The following PDZD2 variants were observed in gnomAD, a reference collection of about 807,000 sequenced individuals.
PDZD2 encodes the protein PDZ domain-containing protein 2.
A neutral mutation model predicts 220.7 loss-of-function variants in PDZD2; 90 were observed. The observed-to-expected ratio is 0.41, with a 90% CI of 0.34 to 0.49. The LOEUF is 0.49. Ranked by LOEUF, PDZD2 falls within the 20% of genes least tolerant of loss-of-function variation. The pLI, the probability that PDZD2 is intolerant of heterozygous loss-of-function variation, is 0.28. For synonymous variants in PDZD2, 1,375 were observed against 1,450.5 expected (o/e 0.95, Z 1.18); for missense variants, 3,174 against 3,608.5 (o/e 0.88, Z 3.08).
Position 31,799,167 on chromosome 5 carries a change from A to G in PDZD2, c.-82A>G. On this transcript the variant is annotated 5_prime_UTR_variant, in exon 2 of 25. Transcript: ENST00000438447. Reference sequence around the variant, plus strand: ...CAGGCAAAGCTGATGATGGCCAGGGACCCCAGGGGACGTGGGGCCCTGTGG... The same window carrying G: ...CAGGCAAAGCTGATGATGGCCAGGGGCCCCAGGGGACGTGGGGCCCTGTGG... The G allele has an allele frequency of 1.2e-6, 1 of 856,250 alleles. No individual in the cohort carries two copies. Among genetic ancestry groups the G allele is most frequent in the East Asian group, 2.6e-5 (1 of 38,436 alleles). The allele number at this position is 856,250 out of a possible 1,614,324, so 53.0% of individuals were successfully genotyped here.
Position 32,074,607 on chromosome 5 carries a change from T to G in PDZD2, c.3501T>G (p.Thr1167=). The stretch of plus-strand genomic sequence containing the variant: ...TCCAGGCCACTTCTGTCAAAGTGAC[T>G]GTCGCTGGCTTTCAGCCAGGTGGAG... ...SRVQATSVKV[T]VAGFQPGGAV... is the part of the protein sequence containing the mutation. The change falls in exon 18 of 25, where the codon ACT becomes ACG. Residue 1167 remains threonine (T), a synonymous_variant. Coordinates refer to ENST00000438447, the MANE Select transcript of PDZD2 (RefSeq NM_178140.4). 1 of 1,611,358 alleles carries G rather than the reference T, an allele frequency of 6.2e-7. No individual in the cohort carries two copies. The highest frequency in any genetic ancestry group is 8.5e-7 in the Non-Finnish European group (1 of 1,178,856).
intron 1 of PDZD2, among the ~76,000 whole-genome samples, chr5:31,666,618 G>A (rs184831474): frequency 5.9e-5 from 9 of 152,208 alleles, no homozygotes; most frequent in African/African-American, 1.9e-4. Context: ...TTTAGGAAGG[G>A]GACTGAGCTA....
At chr5:31,662,466 A>G (rs1745805290) in intron 1 of PDZD2, among the ~76,000 whole-genome samples, 1 of 152,206 alleles carries the variant, frequency 6.6e-6, no homozygotes, top group African/African-American at 2.4e-5. Flanking sequence ...AGTGGCTTAT[A>G]AATAAAATAC....
chr5:31,815,639 G>A (rs935683701), intron 2 of PDZD2, among the ~76,000 whole-genome samples: 1 of 152,090 alleles, frequency 6.6e-6, no homozygotes, highest in African/African-American at 2.4e-5. Context: ...CATGTCCTGC[G>A]CCTTTTTGCC....
chr5:31,727,624 C>T (rs1350403606), intron 1 of PDZD2, among the ~76,000 whole-genome samples: 1 of 148,424 alleles, frequency 6.7e-6, no homozygotes, highest in Non-Finnish European at 1.5e-5. Flanking sequence ...CGTTTGAGCC[C>T]GGGAGGCAGA....
In PDZD2 at chr5:31,725,698, G is replaced by C. The variant is rs183077210; in HGVS notation, c.-360-73191G>C. 3.2e-6 allele frequency: 3 copies of C among 923,282 alleles called. No individual in the cohort carries two copies. In the African/African-American group the frequency reaches 4.9e-5, roughly 15 times the overall value. 57.2% of individuals were successfully genotyped at this position (923,282 alleles called of 1,614,324 possible). On this transcript the variant is annotated intron_variant, in intron 1 of 24. Coordinates refer to ENST00000438447, the MANE Select transcript of PDZD2 (RefSeq NM_178140.4). ...TGCTTTGGAATCTGTTTTTAGAGAT[G>C]CCTCTAGTTTTGGTATGAGATGCAG...
chr5:31,758,422 C>T (rs1751427757), intron 1 of PDZD2, among the ~76,000 whole-genome samples: 1 of 152,122 alleles, frequency 6.6e-6, no homozygotes, highest in African/African-American at 2.4e-5. Flanking sequence ...GCATGTGGGG[C>T]CTGGAAATGG....
chr5:31,984,562 C>T (rs1750562676), intron 3 of PDZD2, among the ~76,000 whole-genome samples: 1 of 150,526 alleles, frequency 6.6e-6, no homozygotes, highest in African/African-American at 2.5e-5. Context: ...CAAGTTGAGG[C>T]CAGGCGCGGC....
intron 2 of PDZD2, among the ~76,000 whole-genome samples, chr5:31,896,323 CGTGT>C (rs35229609): frequency 0.05 from 6,829 of 136,360 alleles, 156 homozygotes; most frequent in African/African-American, 0.082. Flanking sequence ...TTGATACTCT[CGTGT>C]GTGTGTGTGT....
At chr5:31,721,017 G>T (rs1561406239) in intron 1 of PDZD2, among the ~76,000 whole-genome samples, 1 of 152,164 alleles carries the variant, frequency 6.6e-6, no homozygotes, top group Non-Finnish European at 1.5e-5. Flanking sequence ...AGACAACAAG[G>T]CAGGAGGAGG....
chr5:31,656,048 CAT>C (rs1307719361), intron 1 of PDZD2, among the ~76,000 whole-genome samples: 6 of 152,202 alleles, frequency 3.9e-5, no homozygotes, highest in African/African-American at 1.4e-4. Flanking sequence ...GATGCACAGG[CAT>C]AGACCCCATG....
intron 14 of PDZD2, among the ~76,000 whole-genome samples, chr5:32,067,246 T>A (rs1740298353): frequency 6.6e-6 from 1 of 152,206 alleles, no homozygotes; most frequent in Non-Finnish European, 1.5e-5. Context: ...CAGGCTGAGA[T>A]TTGGACTTGC....
At chr5:32,036,069 G>A (rs1449536382) in intron 6 of PDZD2, among the ~76,000 whole-genome samples, 5 of 152,020 alleles carry the variant, frequency 3.3e-5, no homozygotes, top group Admixed American at 1.3e-4. Context: ...TCAGCCTCTC[G>A]AGTAGCTGGG....
intron 2 of PDZD2, among the ~76,000 whole-genome samples, chr5:31,919,955 G>A (rs1744064287): frequency 6.6e-6 from 1 of 151,942 alleles, no homozygotes; most frequent in African/African-American, 2.4e-5. Flanking sequence ...AGGTCTTTGA[G>A]GCTGCAGTGA....
intron 6 of PDZD2, among the ~76,000 whole-genome samples, chr5:32,013,322 C>CTTTTTTTTTTT (rs11428109): frequency 7.4e-6 from 1 of 135,830 alleles, no homozygotes. Context: ...TCTGTGTTAT[C>CTTTTTTTTTTT]TTTTTTTTTT....
At chr5:31,842,909 T>A (rs1580870704) in intron 2 of PDZD2, among the ~76,000 whole-genome samples, 2 of 152,208 alleles carry the variant, frequency 1.3e-5, no homozygotes, top group African/African-American at 4.8e-5. Flanking sequence ...GAGATGGAGT[T>A]TTGCTTTTGT....
At chr5:31,911,752 C>A (rs971096867) in intron 2 of PDZD2, among the ~76,000 whole-genome samples, 2 of 152,150 alleles carry the variant, frequency 1.3e-5, no homozygotes, top group Non-Finnish European at 2.9e-5. Flanking sequence ...GCAGAAAAAT[C>A]ATGCTGCCTC....
intron 2 of PDZD2, among the ~76,000 whole-genome samples, chr5:31,883,619 AT>A (rs34170782): frequency 0.43 from 57,467 of 133,326 alleles, 11,276 homozygotes; most frequent in African/African-American, 0.53. Flanking sequence ...ATCCTCTGTA[AT>A]TTTTTTTTTT....
In PDZD2 at chr5:32,072,468, C is replaced by T. The variant is rs563454182; in HGVS notation, c.2725+151C>T. 1.9e-4 allele frequency: 119 copies of T among 634,348 alleles called. 1 individual carries two copies. In the East Asian group the frequency reaches 2.6e-3, roughly 14 times the overall value. 39.3% of individuals were successfully genotyped at this position (634,348 alleles called of 1,614,324 possible). A position where few individuals can be genotyped will look rare whatever the true frequency, so the allele number is the denominator to read the frequency against. Reference sequence around the variant, plus strand: ...AGACCAGGCCGGGCGCGGTGGCTCACGCCTGTAATCCTAGCACTTGGGGAG... The same window carrying T: ...AGACCAGGCCGGGCGCGGTGGCTCATGCCTGTAATCCTAGCACTTGGGGAG... On this transcript the variant is annotated intron_variant, in intron 17 of 24. Coordinates refer to ENST00000438447, the MANE Select transcript of PDZD2 (RefSeq NM_178140.4).
Sources: allele counts gnomAD v4.1 joint callset (sites outside exome capture counted in the v4.1 genomes callset), GRCh38; gene constraint gnomAD v4.1.1; transcripts MANE v1.5; gene names NCBI Gene and HGNC (gene_info 2026-07-23, HGNC 2026-07-21).